STAU2: variants seen among roughly 807,000 people sequenced by gnomAD.
STAU2 encodes staufen double-stranded RNA binding protein 2, also known as double-stranded RNA-binding protein Staufen homolog 2.
A neutral mutation model predicts 65.9 loss-of-function variants in STAU2; 20 were observed. The observed-to-expected ratio is 0.30, with a 90% CI of 0.21 to 0.44. STAU2 has a LOEUF of 0.44. Ranked by LOEUF, STAU2 falls within the 20% of genes least tolerant of loss-of-function variation. STAU2 has a pLI of 1.00. For missense variants in STAU2, 558 were observed against 683.9 expected (o/e 0.82, Z 2.05); for synonymous variants, 232 against 233.9 (o/e 0.99, Z 0.07).
intron 1 of STAU2, among the ~76,000 whole-genome samples, chr8:73,746,560 T>G (rs1807302166): frequency 7.1e-6 from 1 of 139,914 alleles, no homozygotes. Flanking sequence ...CCCCAATTCC[T>G]TCGCCTCCCT....
chr8:73,427,496 G>A (rs1164328330), intron 13 of STAU2, among the ~76,000 whole-genome samples: 1 of 152,164 alleles, frequency 6.6e-6, no homozygotes, highest in East Asian at 1.9e-4. Context: ...CTGAGGTTTG[G>A]ACAGTTCTCC....
Position 73,420,851 on chromosome 8 carries a change from G to T in STAU2, c.*521C>A, listed in dbSNP as rs1267034510. On this transcript the variant is annotated 3_prime_UTR_variant, in exon 15 of 15. Transcript: ENST00000524300. ...ATAGTTATTCCTACTGATATAGGAT[G>T]AAGATTATAAATATCTGCATAAAAA... 1 of 155,790 alleles carries T rather than the reference G, an allele frequency of 6.4e-6. No homozygotes were observed. The highest frequency in any genetic ancestry group is 1.4e-5 in the Non-Finnish European group (1 of 70,346). The allele number at this position is 155,790 out of a possible 1,614,324, so 9.7% of individuals were successfully genotyped here.
At chr8:73,682,677 G>A (rs866641743) in intron 5 of STAU2, among the ~76,000 whole-genome samples, 6 of 152,178 alleles carry the variant, frequency 3.9e-5, no homozygotes, top group South Asian at 4.2e-4. Context: ...AAAACAAAAA[G>A]TTGGTTCTTT....
At chr8:73,464,189 A>G (rs1041388120) in intron 13 of STAU2, among the ~76,000 whole-genome samples, 1 of 152,112 alleles carries the variant, frequency 6.6e-6, no homozygotes, top group African/African-American at 2.4e-5. Context: ...AGCTCCTAAG[A>G]AACAGGCTGG....
chr8:73,461,083 G>C (rs1290995380), intron 13 of STAU2, among the ~76,000 whole-genome samples: 1 of 152,150 alleles, frequency 6.6e-6, no homozygotes, highest in Non-Finnish European at 1.5e-5. Flanking sequence ...GGTGATACAG[G>C]CTGTAGAGTC....
intron 12 of STAU2, among the ~76,000 whole-genome samples, chr8:73,559,906 A>C (rs974275175): frequency 2.6e-5 from 4 of 152,136 alleles, no homozygotes; most frequent in African/African-American, 9.7e-5. Flanking sequence ...ACAATGCAAA[A>C]TATAAACTCT....
At chr8:73,606,113 A>G (rs1192306076) in intron 9 of STAU2, among the ~76,000 whole-genome samples, 1 of 152,072 alleles carries the variant, frequency 6.6e-6, no homozygotes, top group Non-Finnish European at 1.5e-5. Flanking sequence ...AATTTCTAAA[A>G]CTATAAGATT....
intron 13 of STAU2, among the ~76,000 whole-genome samples, chr8:73,493,125 A>C (rs532819743): frequency 6.6e-6 from 1 of 152,020 alleles, no homozygotes; most frequent in African/African-American, 2.4e-5. Context: ...ATCACACACA[A>C]AATTTAACTT....
At chr8:73,491,685 A>T (rs1821162661) in intron 13 of STAU2, among the ~76,000 whole-genome samples, 1 of 151,996 alleles carries the variant, frequency 6.6e-6, no homozygotes, top group Admixed American at 6.6e-5. Flanking sequence ...GAACAGATTC[A>T]ATCAAATAAT....
intron 1 of STAU2, among the ~76,000 whole-genome samples, chr8:73,743,872 A>C (rs1310869699): frequency 6.6e-6 from 1 of 151,224 alleles, no homozygotes. Flanking sequence ...CCCGGGTTCA[A>C]GCGATTCTCC....
At chr8:73,673,362 G>A in intron 5 of STAU2, 120 bp from the exon 6 acceptor site, 1 of 1,021,040 alleles carries the variant, frequency 9.8e-7, no homozygotes, top group Non-Finnish European at 1.3e-6. Flanking sequence ...TGGACCACCT[G>A]TATGATTTTC....
intron 13 of STAU2, among the ~76,000 whole-genome samples, chr8:73,509,655 CG>C (rs1822275633): frequency 6.6e-6 from 1 of 151,572 alleles, no homozygotes; most frequent in Admixed American, 6.6e-5. Flanking sequence ...GGGTGTAAAT[CG>C]TAACTTTCTT....
chr8:73,736,830 G>C (rs1806465739), intron 3 of STAU2, among the ~76,000 whole-genome samples: 1 of 152,174 alleles, frequency 6.6e-6, no homozygotes, highest in South Asian at 2.1e-4. Flanking sequence ...TCTTTGGCAA[G>C]GTGAGCAGGA....
At chr8:73,509,515 G>A (rs1822265118) in intron 13 of STAU2, among the ~76,000 whole-genome samples, 1 of 152,118 alleles carries the variant, frequency 6.6e-6, no homozygotes. Context: ...TGCCAGGGGT[G>A]GGGAAGAGAA....
At chr8:73,715,768 A>G (rs1018732882) in intron 3 of STAU2, among the ~76,000 whole-genome samples, 2 of 152,110 alleles carry the variant, frequency 1.3e-5, no homozygotes, top group Admixed American at 1.3e-4. Flanking sequence ...TGAGATAAAT[A>G]TTATTATTTA....
At chr8:73,580,666 C>T (rs557285987) in intron 12 of STAU2, among the ~76,000 whole-genome samples, 1 of 152,326 alleles carries the variant, frequency 6.6e-6, no homozygotes, top group African/African-American at 2.4e-5. Flanking sequence ...TAAGCACAGT[C>T]CAACTTCTTC....
At chr8:73,504,444 T>C (rs1009165054) in intron 13 of STAU2, among the ~76,000 whole-genome samples, 4 of 152,174 alleles carry the variant, frequency 2.6e-5, no homozygotes, top group Non-Finnish European at 4.4e-5. Context: ...AAGTTGTAGA[T>C]TCATTTTTCC....
At chr8:73,594,068 T>C (rs796597107) in intron 11 of STAU2, among the ~76,000 whole-genome samples, 7 of 152,342 alleles carry the variant, frequency 4.6e-5, no homozygotes, top group African/African-American at 1.7e-4. Context: ...GACATATTTT[T>C]ATAGATCACT....
chr8:73,514,551 C>G (rs1426740463), intron 13 of STAU2, among the ~76,000 whole-genome samples: 1 of 152,210 alleles, frequency 6.6e-6, no homozygotes, highest in Non-Finnish European at 1.5e-5. Flanking sequence ...TCTACCTTTT[C>G]TCATGCTGTT....
Sources: allele counts gnomAD v4.1 joint callset (sites outside exome capture counted in the v4.1 genomes callset), GRCh38; gene constraint gnomAD v4.1.1; transcripts MANE v1.5; gene names NCBI Gene and HGNC (gene_info 2026-07-23, HGNC 2026-07-21).